Variants in EBF1 observed in about 807,000 individuals in gnomAD.
The protein encoded by EBF1 is EBF transcription factor 1, also known as transcription factor COE1.
EBF1 carries 10 observed loss-of-function variants against 68.4 expected under a neutral mutation model. The observed-to-expected ratio is 0.15, with a 90% CI of 0.09 to 0.25. The LOEUF (loss-of-function observed/expected upper bound fraction) is 0.25. EBF1 is among the 10% of genes least tolerant of loss of function. EBF1 has a pLI of 1.00. For synonymous variants in EBF1, 298 were observed against 299.8 expected, an observed-to-expected ratio of 0.99 and a Z score of 0.06; for missense variants, 509 against 794.4, an observed-to-expected ratio of 0.64 and a Z score of 4.32.
chr5:158,778,338 A>G (rs1775728710), intron 9 of EBF1, among the ~76,000 whole-genome samples: 1 of 152,146 alleles, frequency 6.6e-6, no homozygotes. Context: ...TCTTTGAAAA[A>G]TCCAGCCCTG....
At chr5:158,760,558 A>AT (rs1771195489) in intron 10 of EBF1, among the ~76,000 whole-genome samples, 1 of 152,058 alleles carries the variant, frequency 6.6e-6, no homozygotes, top group Non-Finnish European at 1.5e-5. Flanking sequence ...TTATTTATTT[A>AT]TTATTATTAT....
chr5:158,784,354 T>C (rs1184818977), intron 9 of EBF1, among the ~76,000 whole-genome samples: 2 of 152,214 alleles, frequency 1.3e-5, no homozygotes, highest in African/African-American at 2.4e-5. Flanking sequence ...TCCTGGTACA[T>C]GTACTTTGCA....
At chr5:158,759,360 T>A (rs1770881299) in intron 10 of EBF1, among the ~76,000 whole-genome samples, 2 of 152,172 alleles carry the variant, frequency 1.3e-5, no homozygotes, top group Non-Finnish European at 2.9e-5. Context: ...GAGACAGATA[T>A]TACAGAAACA....
intron 10 of EBF1, among the ~76,000 whole-genome samples, chr5:158,776,118 A>C (rs1775186305): frequency 6.6e-6 from 1 of 152,150 alleles, no homozygotes; most frequent in South Asian, 2.1e-4. Flanking sequence ...AACCTTAGCT[A>C]AACAAAATTG....
At chr5:159,076,819 CAT>C (rs1561958613) in intron 5 of EBF1, among the ~76,000 whole-genome samples, 1 of 152,148 alleles carries the variant, frequency 6.6e-6, no homozygotes, top group Non-Finnish European at 1.5e-5. Context: ...TACACACACA[CAT>C]ACATATGTGT....
At chr5:159,036,159 T>C (rs1770005217) in intron 6 of EBF1, among the ~76,000 whole-genome samples, 1 of 152,168 alleles carries the variant, frequency 6.6e-6, no homozygotes, top group Non-Finnish European at 1.5e-5. Context: ...AGAGTTGCAC[T>C]TCAACTGCTC....
rs1231656977 is a variant in EBF1 at position 158,731,288 on chromosome 5, T to C, written c.1037-131A>G. 9.2e-6 allele frequency: 8 copies of C among 867,476 alleles called. No individual in the cohort carries two copies. In the Admixed American group the frequency reaches 1.4e-4, roughly 16 times the overall value. 53.7% of individuals were successfully genotyped at this position (867,476 alleles called of 1,614,324 possible). The stretch of plus-strand genomic sequence containing the variant: ...GATACTTTTGAATTGGATCACAAGA[T>C]GGTTGTGTGAATGATCTCTTGGCTA... On this transcript the variant is annotated intron_variant, in intron 10 of 15. Transcript: ENST00000313708.
intron 6 of EBF1, among the ~76,000 whole-genome samples, chr5:158,892,786 T>A (rs1801431673): frequency 6.6e-6 from 1 of 152,118 alleles, no homozygotes; most frequent in South Asian, 2.1e-4. Context: ...TGGTAAGACA[T>A]TTTACAAAAA....
chr5:158,889,402 A>G (rs139980241), intron 6 of EBF1, among the ~76,000 whole-genome samples: 1 of 152,292 alleles, frequency 6.6e-6, no homozygotes, highest in East Asian at 1.9e-4. Context: ...AGGTTTCTTG[A>G]GGTTAAAATT....
At chr5:159,036,357 A>T (rs899411827) in intron 6 of EBF1, among the ~76,000 whole-genome samples, 3 of 151,704 alleles carry the variant, frequency 2.0e-5, no homozygotes, top group African/African-American at 7.3e-5. Context: ...GTCAATCCTA[A>T]GCCAAAAGAA....
At chr5:159,055,372 A>G (rs1584303210) in intron 6 of EBF1, among the ~76,000 whole-genome samples, 1 of 152,202 alleles carries the variant, frequency 6.6e-6, no homozygotes. Flanking sequence ...AAGTTAAGAG[A>G]CACACAGACA....
intron 6 of EBF1, among the ~76,000 whole-genome samples, chr5:158,894,454 TA>T (rs1801787838): frequency 1.3e-5 from 2 of 152,218 alleles, no homozygotes; most frequent in African/African-American, 4.8e-5. Flanking sequence ...TTTTCAGGTT[TA>T]TTTTTCTCCC....
chr5:159,057,397 C>T (rs1383606940), intron 6 of EBF1, among the ~76,000 whole-genome samples: 2 of 152,158 alleles, frequency 1.3e-5, no homozygotes, highest in African/African-American at 2.4e-5. Flanking sequence ...CATGAGCCAC[C>T]GCGCCTGACG....
At chr5:159,062,849 G>T (rs1478650983) in intron 6 of EBF1, among the ~76,000 whole-genome samples, 1 of 152,222 alleles carries the variant, frequency 6.6e-6, no homozygotes, top group African/African-American at 2.4e-5. Context: ...CAACAGCAGA[G>T]ATTTTCACTT....
At chr5:158,890,686 C>A (rs764159798) in intron 6 of EBF1, among the ~76,000 whole-genome samples, 1 of 152,188 alleles carries the variant, frequency 6.6e-6, no homozygotes, top group Admixed American at 6.5e-5. Context: ...CCGAAGCCCC[C>A]GCCACCCTGC....
At position 158,997,739 on chromosome 5, in the gene EBF1, C is replaced by CT. The variant is rs1583795626; in HGVS notation, c.554+75656_554+75657insA. Among the ~76,000 whole-genome samples, 4 of 152,282 alleles carry CT rather than the reference C, an allele frequency of 2.6e-5. No homozygotes were observed. In the East Asian group the frequency reaches 7.7e-4, roughly 29 times the overall value. Reference sequence around the variant, plus strand: ...CCTCTTGTAAAACCCTCCAGTGGATCCCTGTGGCCCAAAGGAAGAAGTCCA... The same window carrying CT: ...CCTCTTGTAAAACCCTCCAGTGGATCTCCTGTGGCCCAAAGGAAGAAGTCCA... On this transcript the variant is annotated intron_variant, in intron 6 of 15. Transcript: ENST00000313708.
intron 6 of EBF1, among the ~76,000 whole-genome samples, chr5:158,880,621 G>A (rs1320809773): frequency 1.3e-5 from 2 of 152,148 alleles, no homozygotes; most frequent in Non-Finnish European, 2.9e-5. Flanking sequence ...ACAAAGTCAG[G>A]TAATGTCCCC....
chr5:158,829,651 A>T (rs978802959), intron 7 of EBF1, among the ~76,000 whole-genome samples: 11 of 151,840 alleles, frequency 7.2e-5, no homozygotes, highest in Admixed American at 3.9e-4. Flanking sequence ...TACAAAATAA[A>T]CTCTCTATAT....
rs1432795597 is a variant in EBF1 at position 159,064,227 on chromosome 5, G to C, written c.554+9169C>G. Among the ~76,000 whole-genome samples the C allele has an allele frequency of 2.6e-5, 4 of 152,174 alleles. No individual in the cohort carries two copies. In the East Asian group the frequency reaches 7.7e-4, roughly 29 times the overall value. On this transcript the variant is annotated intron_variant, in intron 6 of 15. Coordinates refer to ENST00000313708, the MANE Select transcript of EBF1 (RefSeq NM_024007.5). The stretch of plus-strand genomic sequence containing the variant: ...ATATAAAATCCTGAAAGTTAATTGT[G>C]ACATCAACTAAGAAAGCTGGCTTGG...
Sources: gnomAD v4.1 joint callset for allele counts (sites outside exome capture counted in the v4.1 genomes callset) on GRCh38, gnomAD v4.1.1 for gene constraint, MANE v1.5 for transcripts, NCBI Gene and HGNC (gene_info 2026-07-23, HGNC 2026-07-21) for gene names.